The following HNRNPD variants were observed in gnomAD, a reference collection of about 807,000 sequenced individuals.
The protein encoded by HNRNPD is heterogeneous nuclear ribonucleoprotein D.
Under a neutral mutation model 47.9 loss-of-function variants are expected in HNRNPD, and 3 were observed. The ratio of observed to expected loss-of-function variants is 0.06; its 90% CI spans 0.03 to 0.16. The LOEUF is 0.16. HNRNPD is among the 10% of genes least tolerant of loss of function. The probability of loss-of-function intolerance (pLI) is 1.00; values close to 1 mark genes in which losing one functional copy is unlikely to be tolerated. For missense variants in HNRNPD, 287 were observed against 454.2 expected, an observed-to-expected ratio of 0.63 and a Z score of 3.35; for synonymous variants, 171 against 165.1, an observed-to-expected ratio of 1.04 and a Z score of -0.28.
chr4:82,362,248 T>A lies in HNRNPD; in HGVS notation c.291-2609A>T, dbSNP rs930998752. On this transcript the variant is annotated intron_variant, in intron 2 of 8. Transcript: ENST00000313899. ...CTCATTTCTTCACAAGTTCTACTTT[T>A]CATTTTTGCCAGATCACCAGTTGCT... 1.3e-5 allele frequency among the ~76,000 whole-genome samples: 2 copies of A among 152,252 alleles called. 1 individual carries two copies. Among genetic ancestry groups the A allele is most frequent in the Non-Finnish European group, 2.9e-5 (2 of 68,046 alleles).
Position 82,373,384 on chromosome 4 carries a change from G to A in HNRNPD, c.233+62C>T. The A allele has an allele frequency of 1.3e-6, 2 of 1,515,188 alleles. 1 individual carries two copies. The highest frequency in any genetic ancestry group is 2.6e-5 in the South Asian group (2 of 78,162). 93.9% of individuals were successfully genotyped at this position (1,515,188 alleles called of 1,614,324 possible). On this transcript the variant is annotated intron_variant, in intron 1 of 8. Transcript: ENST00000313899. ...GAGCGGGAACCAGGCCTAATGGCGGGGGAATAAAGAGGGGGAGGGGGACTA... is the reference window on the plus strand; with the variant it reads ...GAGCGGGAACCAGGCCTAATGGCGGAGGAATAAAGAGGGGGAGGGGGACTA...
intron 2 of HNRNPD, among the ~76,000 whole-genome samples, chr4:82,363,646 T>A (rs2109996004): frequency 6.6e-6 from 1 of 152,298 alleles, no homozygotes; most frequent in Non-Finnish European, 1.5e-5. Flanking sequence ...TCAATCCCAA[T>A]TAAAATGCAG....
intron 2 of HNRNPD, among the ~76,000 whole-genome samples, chr4:82,370,212 A>T: frequency 6.6e-6 from 1 of 152,324 alleles, no homozygotes; most frequent in South Asian, 2.1e-4. Flanking sequence ...TAGAATGTTT[A>T]TTAACTATGA....
chr4:82,364,144 T>C (rs1398909763), intron 2 of HNRNPD, among the ~76,000 whole-genome samples: 2 of 151,950 alleles, frequency 1.3e-5, no homozygotes, highest in Non-Finnish European at 2.9e-5. Flanking sequence ...ACCCGGCTAA[T>C]ATTTTTGCAG....
rs983317007 is a variant in HNRNPD, at chr4:82,353,052, A to G, written c.*1133T>C. On this transcript the variant is annotated 3_prime_UTR_variant, in exon 9 of 9. Transcript: ENST00000313899. Reference sequence around the variant, plus strand: ...TAACATTCACTTAAGTAATACCTACAAACGATTTTCCATTCAAGTTGATGG... The same window carrying G: ...TAACATTCACTTAAGTAATACCTACGAACGATTTTCCATTCAAGTTGATGG... 3 of 152,212 alleles carry G rather than the reference A, an allele frequency of 2.0e-5. No homozygotes were observed. Among genetic ancestry groups the G allele is most frequent in the Admixed American group, 2.0e-4 (3 of 15,276 alleles). The allele number at this position is 152,212 out of a possible 1,614,324, so 9.4% of individuals were successfully genotyped here.
chr4:82,367,239 G>A (rs904653581), intron 2 of HNRNPD, among the ~76,000 whole-genome samples: 5 of 151,954 alleles, frequency 3.3e-5, no homozygotes, highest in Non-Finnish European at 4.4e-5. Context: ...GTATGTTTAC[G>A]TTTTAAATAA....
At chr4:82,370,805 AG>A (rs1427969571) in intron 2 of HNRNPD, among the ~76,000 whole-genome samples, 1 of 152,194 alleles carries the variant, frequency 6.6e-6, no homozygotes, top group Non-Finnish European at 1.5e-5. Context: ...GGGAGGGGAA[AG>A]GATGGATAAA....
In HNRNPD at chr4:82,373,767, G is replaced by A. The variant is rs1720274534; in HGVS notation, c.-89C>T. On this transcript the variant is annotated 5_prime_UTR_variant, in exon 1 of 9. Transcript: ENST00000313899. ...CAGCAAAGTAATCCCCGCCGCTGCC[G>A]CGCGCCCGCTCTACCTCGCGAAGCA... is the stretch of plus-strand genomic sequence containing the variant. The A allele has an allele frequency of 2.6e-6, 4 of 1,525,802 alleles. No individual in the cohort carries two copies. The highest frequency in any genetic ancestry group is 1.4e-5 in the African/African-American group (1 of 71,550). 94.5% of individuals were successfully genotyped at this position (1,525,802 alleles called of 1,614,324 possible). A position where few individuals can be genotyped will look rare whatever the true frequency, so the allele number is the denominator to read the frequency against.
chr4:82,369,700 AG>A (rs1410429703), intron 2 of HNRNPD, among the ~76,000 whole-genome samples: 6 of 144,836 alleles, frequency 4.1e-5, no homozygotes, highest in African/African-American at 1.4e-4. Flanking sequence ...AAAAAAAAAA[AG>A]AGAGAGAAAA....
At chr4:82,357,710 C>G in intron 4 of HNRNPD, 2 of 259,272 alleles carry the variant, frequency 7.7e-6, no homozygotes, top group Non-Finnish European at 1.5e-5. Flanking sequence ...GTCACAAATT[C>G]AAATGCCCAC....
intron 7 of HNRNPD, 186 bp from the exon 8 acceptor site, chr4:82,355,587 C>A: frequency 1.7e-6 from 1 of 581,490 alleles, no homozygotes; most frequent in Non-Finnish European, 3.0e-6. Flanking sequence ...CAATGGCAGG[C>A]ATTCAGAATG....
intron 2 of HNRNPD, 67 bp from the exon 3 acceptor site, chr4:82,359,706 A>G: frequency 3.8e-6 from 4 of 1,046,098 alleles, no homozygotes; most frequent in Non-Finnish European, 5.5e-6. Flanking sequence ...CCACATCAAT[A>G]ACACACCTTT....
rs777356630 is a variant in HNRNPD, at chr4:82,357,268, T to C, written c.753+45A>G. The C allele has an allele frequency of 1.9e-6, 3 of 1,558,986 alleles. No homozygotes were observed. The African/African-American group carries it at 4.1e-5, about 21-fold the overall frequency. ...GAGAAAGATAAATGGTTAAGCTCTT[T>C]ACAACAGCTAGTTTTCTCTACAAGT... On this transcript the variant is annotated intron_variant, in intron 5 of 8. Coordinates refer to ENST00000313899, the MANE Select transcript of HNRNPD (RefSeq NM_031370.3).
intron 4 of HNRNPD, chr4:82,358,431 A>C (rs2109990839): frequency 2.5e-6 from 1 of 405,156 alleles, no homozygotes; most frequent in East Asian, 3.8e-5. Context: ...TCATCTTTGT[A>C]TACTCTACCC....
intron 2 of HNRNPD, among the ~76,000 whole-genome samples, chr4:82,362,164 T>C (rs1382698013): frequency 1.3e-5 from 2 of 152,266 alleles, no homozygotes; most frequent in East Asian, 1.9e-4. Context: ...ATCACTATTA[T>C]GCTGATTTAG....
intron 2 of HNRNPD, among the ~76,000 whole-genome samples, chr4:82,366,244 G>T (rs964702252): frequency 6.6e-6 from 1 of 152,070 alleles, no homozygotes; most frequent in African/African-American, 2.4e-5. Context: ...AATGAAACAT[G>T]ACAGTTTTTT....
At chr4:82,365,650 G>A (rs939551681) in intron 2 of HNRNPD, among the ~76,000 whole-genome samples, 1 of 152,076 alleles carries the variant, frequency 6.6e-6, no homozygotes, top group African/African-American at 2.4e-5. Flanking sequence ...CTATTGCCAG[G>A]CTGTGGTGCA....
chr4:82,352,972 G>C lies in HNRNPD; in HGVS notation c.*1213C>G, dbSNP rs970474791. On this transcript the variant is annotated 3_prime_UTR_variant, in exon 9 of 9. Coordinates refer to ENST00000313899, the MANE Select transcript of HNRNPD (RefSeq NM_031370.3). The stretch of plus-strand genomic sequence containing the variant: ...TTACCTTTCTAATGAACTATTCTGA[G>C]CAGTCTGAAGTAACTGACTGCACAG... 6.6e-6 allele frequency: 1 copy of C among 152,078 alleles called. No homozygotes were observed. The highest frequency in any genetic ancestry group is 1.9e-4 in the East Asian group (1 of 5,200). The allele number at this position is 152,078 out of a possible 1,614,324, so 9.4% of individuals were successfully genotyped here. A position where few individuals can be genotyped will look rare whatever the true frequency, so the allele number is the denominator to read the frequency against.
At chr4:82,373,041 T>C in intron 1 of HNRNPD, 1 of 435,832 alleles carries the variant, frequency 2.3e-6, no homozygotes, top group Non-Finnish European at 4.5e-6. Flanking sequence ...ACAGAGAAGC[T>C]GTTTGTGTCT....
Sources: gnomAD v4.1 joint callset for allele counts (sites outside exome capture counted in the v4.1 genomes callset) on GRCh38, gnomAD v4.1.1 for gene constraint, MANE v1.5 for transcripts, NCBI Gene and HGNC (gene_info 2026-07-23, HGNC 2026-07-21) for gene names.